Variants in LIN7A observed in about 807,000 individuals in gnomAD.
LIN7A encodes the protein protein lin-7 homolog A.
Under a neutral mutation model 29.8 loss-of-function variants are expected in LIN7A, and 25 were observed. The ratio of observed to expected loss-of-function variants is 0.84; its 90% CI spans 0.61 to 1.17. The LOEUF (loss-of-function observed/expected upper bound fraction) is 1.17, where lower values mean the gene tolerates loss of function less well. LIN7A is among the 50% of genes most tolerant of loss of function. The pLI is 0.00. For missense variants in LIN7A, 239 were observed against 287.0 expected, an observed-to-expected ratio of 0.83 and a Z score of 1.21; for synonymous variants, 118 against 107.5, an observed-to-expected ratio of 1.10 and a Z score of -0.60.
At chr12:80,850,621 G>C (rs1023555898) in intron 2 of LIN7A, among the ~76,000 whole-genome samples, 8 of 152,140 alleles carry the variant, frequency 5.3e-5, no homozygotes, top group African/African-American at 1.9e-4. Flanking sequence ...GGTGGCCAAG[G>C]ATGCTGCTAA....
At chr12:80,927,002 C>T (rs1448922884) in intron 1 of LIN7A, among the ~76,000 whole-genome samples, 1 of 150,770 alleles carries the variant, frequency 6.6e-6, no homozygotes, top group East Asian at 1.9e-4. Context: ...TAAGGAAGTC[C>T]TCTACTTAGA....
At chr12:80,829,271 T>C (rs111287720) in intron 4 of LIN7A, among the ~76,000 whole-genome samples, 55 of 152,152 alleles carry the variant, frequency 3.6e-4, no homozygotes, top group African/African-American at 1.3e-3. Context: ...AATTTACAGA[T>C]GTAGAAGTAT....
chr12:80,862,950 C>T (rs1027340925), intron 2 of LIN7A, among the ~76,000 whole-genome samples: 1 of 152,216 alleles, frequency 6.6e-6, no homozygotes, highest in Non-Finnish European at 1.5e-5. Context: ...AAATGCCAGA[C>T]TATACTCTTC....
At chr12:80,853,127 A>ACTTT (rs1160614587) in intron 2 of LIN7A, among the ~76,000 whole-genome samples, 2 of 152,196 alleles carry the variant, frequency 1.3e-5, no homozygotes, top group African/African-American at 2.4e-5. Context: ...TTAAGCCACT[A>ACTTT]CAGCTGGACT....
intron 2 of LIN7A, among the ~76,000 whole-genome samples, chr12:80,853,940 G>A (rs550593810): frequency 1.3e-5 from 2 of 151,996 alleles, no homozygotes; most frequent in South Asian, 4.2e-4. Context: ...GTGATCCGAC[G>A]GCCTCGGCTT....
chr12:80,870,391 T>A (rs10862205), intron 2 of LIN7A, among the ~76,000 whole-genome samples: 49,287 of 152,000 alleles, frequency 0.32, 10,619 homozygotes, highest in African/African-American at 0.62. Flanking sequence ...GTAAGTATCC[T>A]CTCTCTTTCA....
At chr12:80,893,532 C>T (rs745772952) in intron 1 of LIN7A, among the ~76,000 whole-genome samples, 4 of 152,190 alleles carry the variant, frequency 2.6e-5, no homozygotes, top group African/African-American at 9.6e-5. Flanking sequence ...TTTTCTATTA[C>T]ACCACAGGCC....
chr12:80,806,001 C>G (rs930118758), intron 5 of LIN7A, among the ~76,000 whole-genome samples: 2 of 108,052 alleles, frequency 1.9e-5, no homozygotes, highest in Non-Finnish European at 4.2e-5. Context: ...TCGCTTGAAC[C>G]CAGGAGGCAG....
At chr12:80,814,854 C>T (rs1383431400) in intron 4 of LIN7A, among the ~76,000 whole-genome samples, 1 of 152,172 alleles carries the variant, frequency 6.6e-6, no homozygotes. Flanking sequence ...ACAGAGTCAA[C>T]AGGTCTGTTG....
chr12:80,813,036 A>C (rs1871365403), intron 4 of LIN7A, among the ~76,000 whole-genome samples: 1 of 151,948 alleles, frequency 6.6e-6, no homozygotes, highest in Admixed American at 6.5e-5. Flanking sequence ...TTTGAGACGG[A>C]GTCTTGCTCT....
At chr12:80,834,349 A>G (rs1872517016) in intron 4 of LIN7A, among the ~76,000 whole-genome samples, 1 of 152,208 alleles carries the variant, frequency 6.6e-6, no homozygotes, top group East Asian at 1.9e-4. Context: ...GATATGCTAT[A>G]TATTTACACA....
At position 80,828,842 on chromosome 12, in the gene LIN7A, G is replaced by C. The variant is rs150389368; in HGVS notation, c.483+16888C>G. Among the ~76,000 whole-genome samples the C allele has an allele frequency of 1.9e-3, 290 of 152,176 alleles. 2 individuals carry two copies. Among genetic ancestry groups the C allele is most frequent in the African/African-American group, 6.7e-3 (277 of 41,502 alleles). On this transcript the variant is annotated intron_variant, in intron 4 of 5. Coordinates refer to ENST00000552864, the MANE Select transcript of LIN7A (RefSeq NM_004664.4). ...GTGTATGTGTGTGCTTGAATACAAA[G>C]AGAAACGTTCAGATGCATGCTCACT... is the stretch of plus-strand genomic sequence containing the variant.
At chr12:80,890,486 C>T (rs1875566302) in intron 1 of LIN7A, among the ~76,000 whole-genome samples, 1 of 152,092 alleles carries the variant, frequency 6.6e-6, no homozygotes, top group East Asian at 1.9e-4. Flanking sequence ...TCAAAGCTCG[C>T]AATCTAATGA....
At chr12:80,857,227 G>A (rs1873649512) in intron 2 of LIN7A, among the ~76,000 whole-genome samples, 1 of 152,134 alleles carries the variant, frequency 6.6e-6, no homozygotes, top group Non-Finnish European at 1.5e-5. Flanking sequence ...ATTCAGAGTG[G>A]AGTAAAACAG....
chr12:80,845,899 T>C lies in LIN7A; in HGVS notation c.314A>G (p.His105Arg). 1 of 1,603,948 alleles carries C rather than the reference T, an allele frequency of 6.2e-7. No individual in the cohort carries two copies. The highest frequency in any genetic ancestry group is 8.5e-7 in the Non-Finnish European group (1 of 1,176,526). The change falls in exon 4 of 6, where the codon CAC becomes CGC. Residue 105 changes from histidine to arginine, a missense_variant. By Grantham distance (29) the His-to-Arg change is conservative (BLOSUM62 0). Coordinates refer to ENST00000552864, the MANE Select transcript of LIN7A (RefSeq NM_004664.4). ...AAFAASEGHS[H>R]PRVVELPKTD... ...CTTTGGCAGTTCAACTACTCGAGGG[T>C]GGGAGTGGCCTTCACTAGCTGCAAA...
chr12:80,927,155 C>CTTTTTCTTTT lies in LIN7A; in HGVS notation c.82+10485_82+10486insAAAAGAAAAA, dbSNP rs1246361470. 4.9e-4 allele frequency among the ~76,000 whole-genome samples: 37 copies of CTTTTTCTTTT among 75,536 alleles called. 2 individuals are homozygous for CTTTTTCTTTT. Among genetic ancestry groups the CTTTTTCTTTT allele is most frequent in the Admixed American group, 8.8e-4 (4 of 4,564 alleles). The allele number at this position is 75,536 out of a possible 152,430, so 49.6% of individuals were successfully genotyped here. The stretch of plus-strand genomic sequence containing the variant: ...CAGTAAACTATTTTCTTTTCTTTTT[C>CTTTTTCTTTT]TTTTTTTTTTTTTTTTTTTTTTTTG... On this transcript the variant is annotated intron_variant, in intron 1 of 5. Transcript: ENST00000552864.
intron 1 of LIN7A, among the ~76,000 whole-genome samples, chr12:80,916,049 A>G (rs1484946060): frequency 6.6e-6 from 1 of 152,088 alleles, no homozygotes; most frequent in African/African-American, 2.4e-5. Context: ...GGGGGAAAAA[A>G]TCCTGTTTAC....
At chr12:80,929,813 C>A (rs1399978674) in intron 1 of LIN7A, among the ~76,000 whole-genome samples, 1 of 152,096 alleles carries the variant, frequency 6.6e-6, no homozygotes, top group Admixed American at 6.5e-5. Flanking sequence ...TCCCAAAACA[C>A]CTTTGTCATC....
chr12:80,922,905 G>T (rs1033869862), intron 1 of LIN7A, among the ~76,000 whole-genome samples: 6 of 152,042 alleles, frequency 3.9e-5, no homozygotes, highest in African/African-American at 1.5e-4. Flanking sequence ...GTATACAGAG[G>T]GTTCACTACT....
Sources: gnomAD v4.1 joint callset for allele counts (sites outside exome capture counted in the v4.1 genomes callset) on GRCh38, gnomAD v4.1.1 for gene constraint, MANE v1.5 for transcripts, NCBI Gene and HGNC (gene_info 2026-07-23, HGNC 2026-07-21) for gene names.